Variants in CLSTN2 observed in about 807,000 individuals in gnomAD.
CLSTN2 encodes the protein calsyntenin-2.
A neutral mutation model predicts 101.2 loss-of-function variants in CLSTN2; 48 were observed. That is an observed-to-expected ratio of 0.47 (90% CI 0.38 to 0.60). The LOEUF (loss-of-function observed/expected upper bound fraction) is 0.60. CLSTN2 is among the 20% of genes least tolerant of loss of function. The pLI is 0.00. For missense variants in CLSTN2, 1,160 were observed against 1,238.2 expected (o/e 0.94, Z 0.95); for synonymous variants, 481 against 463.6 (o/e 1.04, Z -0.48).
chr3:140,042,708 G>A (rs1488787942), intron 1 of CLSTN2, among the ~76,000 whole-genome samples: 10 of 152,248 alleles, frequency 6.6e-5, no homozygotes, highest in African/African-American at 2.2e-4. Flanking sequence ...GGTGTGTGAT[G>A]TTCCCCACCC....
At chr3:140,078,625 T>C (rs2008534888) in intron 1 of CLSTN2, among the ~76,000 whole-genome samples, 2 of 152,192 alleles carry the variant, frequency 1.3e-5, no homozygotes, top group Non-Finnish European at 2.9e-5. Context: ...CGTGGTGATC[T>C]ACCAGTGCTG....
chr3:140,193,786 G>T (rs2010606337), intron 2 of CLSTN2, among the ~76,000 whole-genome samples: 1 of 151,892 alleles, frequency 6.6e-6, no homozygotes, highest in African/African-American at 2.4e-5. Context: ...TGAATATTTT[G>T]TTATAGTTCC....
Position 139,935,312 on chromosome 3 carries a change from G to A in CLSTN2, c.-63G>A. 1 of 918,908 alleles carries A rather than the reference G, an allele frequency of 1.1e-6. No individual in the cohort carries two copies. Among genetic ancestry groups the A allele is most frequent in the South Asian group, 5.5e-5 (1 of 18,122 alleles). 56.9% of individuals were successfully genotyped at this position (918,908 alleles called of 1,614,324 possible). A position where few individuals can be genotyped will look rare whatever the true frequency, so the allele number is the denominator to read the frequency against. On this transcript the variant is annotated 5_prime_UTR_variant, in exon 1 of 17. Transcript: ENST00000458420. This position sits in a 1 kb window ranked among gnomAD's most constrained non-coding sequence, Gnocchi z 5.5. ...GGCGGCCCACGGTGCGGCAGGCACC[G>A]GGAGGCGAGAGCCGGCGCGGACAGT...
chr3:140,558,748 G>T lies in CLSTN2; in HGVS notation c.1932G>T (p.Trp644Cys), dbSNP rs1404707986. 1.2e-6 allele frequency: 2 copies of T among 1,614,090 alleles called. No homozygotes were observed. The highest frequency in any genetic ancestry group is 2.2e-5 in the South Asian group (2 of 91,076). ...RITLRGTDHF[W>C]RPAAQFESAR... ...CCCTCCGGGGCACAGACCACTTCTG[G>T]AGACCTGCTGCCCAGTTTGAAAGTG... is the stretch of plus-strand genomic sequence containing the variant. Residue 644 changes from tryptophan (W) to cysteine (C), a missense_variant, in exon 12 of 17, where the codon TGG becomes TGT. Physicochemically the swap from Trp to Cys is radical, Grantham distance 215. Transcript: ENST00000458420.
At chr3:140,352,799 C>CT (rs1246093334) in intron 2 of CLSTN2, among the ~76,000 whole-genome samples, 1 of 152,144 alleles carries the variant, frequency 6.6e-6, no homozygotes, top group Non-Finnish European at 1.5e-5. Flanking sequence ...AAATTCATCT[C>CT]TTTCTACCCA....
chr3:140,535,741 A>AT (rs1342189615), intron 9 of CLSTN2, among the ~76,000 whole-genome samples: 2 of 152,250 alleles, frequency 1.3e-5, no homozygotes, highest in African/African-American at 4.8e-5. Context: ...CAATTTGTAG[A>AT]TAAGGAAACT....
chr3:140,409,509 C>T (rs964886678), intron 4 of CLSTN2, among the ~76,000 whole-genome samples: 1 of 152,206 alleles, frequency 6.6e-6, no homozygotes, highest in Non-Finnish European at 1.5e-5. Flanking sequence ...ACAGTGCTCT[C>T]CAGCATTACC....
intron 1 of CLSTN2, among the ~76,000 whole-genome samples, chr3:140,161,751 T>A (rs944676856): frequency 1.3e-5 from 2 of 152,096 alleles, no homozygotes; most frequent in African/African-American, 4.8e-5. Flanking sequence ...CTTTCCTACC[T>A]GAGCAGCATG....
intron 2 of CLSTN2, among the ~76,000 whole-genome samples, chr3:140,221,096 A>T (rs528844662): frequency 6.6e-6 from 1 of 152,352 alleles, no homozygotes; most frequent in African/African-American, 2.4e-5. Context: ...GTCACTGTAC[A>T]GTCAGCCAGG....
At chr3:140,277,142 T>G (rs935378456) in intron 2 of CLSTN2, among the ~76,000 whole-genome samples, 2 of 152,176 alleles carry the variant, frequency 1.3e-5, no homozygotes, top group Non-Finnish European at 2.9e-5. Context: ...TGGCCTGAAT[T>G]TATGAGGAAA....
chr3:140,360,752 A>T (rs1475700168), intron 2 of CLSTN2, among the ~76,000 whole-genome samples: 1 of 152,228 alleles, frequency 6.6e-6, no homozygotes, highest in Non-Finnish European at 1.5e-5. Context: ...AACAATTTTG[A>T]TGAAATGGAA....
chr3:140,255,017 A>G (rs956221154), intron 2 of CLSTN2, among the ~76,000 whole-genome samples: 1 of 152,220 alleles, frequency 6.6e-6, no homozygotes, highest in Non-Finnish European at 1.5e-5. Flanking sequence ...TCTCAAAAGA[A>G]GACATACATG....
chr3:140,151,665 G>A (rs7610998), intron 1 of CLSTN2, among the ~76,000 whole-genome samples: 5,583 of 152,170 alleles, frequency 0.037, 227 homozygotes, highest in African/African-American at 0.1. Flanking sequence ...TTGTGTATAA[G>A]CTTATAAGCA....
intron 2 of CLSTN2, among the ~76,000 whole-genome samples, chr3:140,212,692 C>T (rs779898578): frequency 8.5e-5 from 13 of 152,224 alleles, no homozygotes; most frequent in Non-Finnish European, 1.6e-4. Context: ...TCCTACCTCC[C>T]ACTAGCTCTA....
intron 1 of CLSTN2, among the ~76,000 whole-genome samples, chr3:139,936,300 T>C (rs1292314916): frequency 6.6e-6 from 1 of 151,770 alleles, no homozygotes; most frequent in Non-Finnish European, 1.5e-5. Context: ...GGGCCGGGTC[T>C]GAAACAGGAG....
At chr3:140,312,846 A>C (rs2107918009) in intron 2 of CLSTN2, among the ~76,000 whole-genome samples, 1 of 152,362 alleles carries the variant, frequency 6.6e-6, no homozygotes, top group Middle Eastern at 3.4e-3. Flanking sequence ...TTGTTTTGAA[A>C]ATTGAGAGCA....
At chr3:140,563,372 T>C (rs988536373) in intron 15 of CLSTN2, among the ~76,000 whole-genome samples, 169 bp downstream of exon 15, 6 of 152,144 alleles carry the variant, frequency 3.9e-5, no homozygotes, top group Admixed American at 6.6e-5. Flanking sequence ...ACACCCTCAA[T>C]AGGCAGTCGA....
At chr3:139,972,328 T>A (rs533902037) in intron 1 of CLSTN2, among the ~76,000 whole-genome samples, 1 of 152,266 alleles carries the variant, frequency 6.6e-6, no homozygotes, top group African/African-American at 2.4e-5. Context: ...GGTCCTCCTT[T>A]ACTCTTTCAG....
In CLSTN2 at chr3:140,152,062, G is replaced by C. The variant is rs565803010; in HGVS notation, c.110-23889G>C. ...AGCCTGTAAAGATGAATTCATCCTT[G>C]ACCTCCCCTTCCTCTGAAGTTTCTA... On this transcript the variant is annotated intron_variant, in intron 1 of 16. Coordinates refer to ENST00000458420, the MANE Select transcript of CLSTN2 (RefSeq NM_022131.3). Among the ~76,000 whole-genome samples, 3 of 152,198 alleles carry C rather than the reference G, an allele frequency of 2.0e-5. No homozygotes were observed. The East Asian group carries it at 5.8e-4, about 29-fold the overall frequency.
Sources: gnomAD v4.1 joint callset for allele counts (sites outside exome capture counted in the v4.1 genomes callset) on GRCh38, gnomAD v4.1.1 for gene constraint, Gnocchi (gnomAD v3.1) non-coding constraint, MANE v1.5 for transcripts, NCBI Gene and HGNC (gene_info 2026-07-23, HGNC 2026-07-21) for gene names.